HS6ST3: variants seen among roughly 807,000 people sequenced by gnomAD.
HS6ST3 encodes the protein heparan-sulfate 6-O-sulfotransferase 3.
Under a neutral mutation model 36.7 loss-of-function variants are expected in HS6ST3, and 12 were observed. The observed-to-expected ratio is 0.33, with a 90% CI of 0.21 to 0.53. HS6ST3 has a LOEUF of 0.53. HS6ST3 is among the 20% of genes least tolerant of loss of function. The pLI is 0.95. For synonymous variants in HS6ST3, 240 were observed against 257.5 expected (o/e 0.93, Z 0.65); for missense variants, 584 against 640.9 (o/e 0.91, Z 0.96).
At chr13:96,158,797 G>T (rs2054122803) in intron 1 of HS6ST3, among the ~76,000 whole-genome samples, 1 of 151,914 alleles carries the variant, frequency 6.6e-6, no homozygotes. Context: ...ACACAAGCTA[G>T]GGAGAGACCA....
At chr13:96,137,678 A>C (rs1463328085) in intron 1 of HS6ST3, among the ~76,000 whole-genome samples, 1 of 152,064 alleles carries the variant, frequency 6.6e-6, no homozygotes, top group Non-Finnish European at 1.5e-5. Context: ...TGATCCACCC[A>C]CGTTGGCCTC....
At chr13:96,530,061 A>T (rs2138933822) in intron 1 of HS6ST3, among the ~76,000 whole-genome samples, 1 of 152,336 alleles carries the variant, frequency 6.6e-6, no homozygotes, top group Admixed American at 6.5e-5. Context: ...GCACTGAATG[A>T]TGCTCTGAAA....
intron 1 of HS6ST3, among the ~76,000 whole-genome samples, chr13:96,120,840 T>G (rs960919396): frequency 1.3e-5 from 2 of 152,168 alleles, no homozygotes; most frequent in African/African-American, 4.8e-5. Flanking sequence ...TGTATAAAAT[T>G]GAGGAGGCTG....
At chr13:96,526,648 TTAGGGTATTAAGTTGAACCCTTTTC>T in intron 1 of HS6ST3, among the ~76,000 whole-genome samples, 1 of 152,228 alleles carries the variant, frequency 6.6e-6, no homozygotes, top group Admixed American at 6.5e-5. Context: ...TTAGCAAAAC[TTAGGGTATTAAGTTGAACCCTTTTC>T]TTATTTAGTT....
intron 1 of HS6ST3, among the ~76,000 whole-genome samples, chr13:96,199,941 C>T (rs569197665): frequency 5.9e-5 from 9 of 152,124 alleles, no homozygotes; most frequent in African/African-American, 1.2e-4. Flanking sequence ...CCTTGGTAGC[C>T]GACTTCTAGA....
chr13:96,681,054 A>G (rs1175182854), intron 1 of HS6ST3, among the ~76,000 whole-genome samples: 4 of 152,194 alleles, frequency 2.6e-5, no homozygotes, highest in African/African-American at 7.2e-5. Context: ...AAAACGTGCC[A>G]TATAGATATT....
At chr13:96,391,809 C>T (rs2055397197) in intron 1 of HS6ST3, among the ~76,000 whole-genome samples, 2 of 152,186 alleles carry the variant, frequency 1.3e-5, no homozygotes, top group Non-Finnish European at 2.9e-5. Context: ...AATCACCTCC[C>T]ACCAGGTTCC....
At chr13:96,725,893 G>C (rs537021704) in intron 1 of HS6ST3, among the ~76,000 whole-genome samples, 1 of 152,010 alleles carries the variant, frequency 6.6e-6, no homozygotes, top group Non-Finnish European at 1.5e-5. Context: ...CTGGAGTGCA[G>C]TGGCGCGATC....
At chr13:96,514,656 G>C (rs1216384911) in intron 1 of HS6ST3, among the ~76,000 whole-genome samples, 2 of 152,158 alleles carry the variant, frequency 1.3e-5, no homozygotes, top group Non-Finnish European at 2.9e-5. Context: ...TACCTTGCTG[G>C]CACCTCCATC....
chr13:96,264,428 C>T (rs574394179), intron 1 of HS6ST3, among the ~76,000 whole-genome samples: 2 of 152,268 alleles, frequency 1.3e-5, no homozygotes, highest in Non-Finnish European at 2.9e-5. Flanking sequence ...ACCCTGATTT[C>T]TAGGAAAGTG....
At chr13:96,784,740 T>C (rs1054772419) in intron 1 of HS6ST3, among the ~76,000 whole-genome samples, 1 of 152,228 alleles carries the variant, frequency 6.6e-6, no homozygotes, top group African/African-American at 2.4e-5. Context: ...GACTCTCTAA[T>C]TCTTTTGTAC....
chr13:96,504,889 A>G (rs747909814), intron 1 of HS6ST3, among the ~76,000 whole-genome samples: 1 of 152,158 alleles, frequency 6.6e-6, no homozygotes, highest in Non-Finnish European at 1.5e-5. Context: ...TTCAAGATGT[A>G]ACTGCTAAAT....
intron 1 of HS6ST3, among the ~76,000 whole-genome samples, chr13:96,638,725 G>A (rs777220634): frequency 2.4e-4 from 37 of 151,834 alleles, no homozygotes; most frequent in Non-Finnish European, 3.5e-4. Context: ...CCAGCCCAGC[G>A]GAACTATGAG....
intron 1 of HS6ST3, among the ~76,000 whole-genome samples, chr13:96,512,917 A>G (rs2056056489): frequency 6.6e-6 from 1 of 151,430 alleles, no homozygotes. Flanking sequence ...GTATGGGCAG[A>G]TCTTTCACTA....
intron 1 of HS6ST3, among the ~76,000 whole-genome samples, chr13:96,127,544 G>A (rs1256005974): frequency 6.6e-6 from 1 of 152,180 alleles, no homozygotes; most frequent in Non-Finnish European, 1.5e-5. Context: ...CGACGGACTG[G>A]TATTGGTCTG....
intron 1 of HS6ST3, among the ~76,000 whole-genome samples, chr13:96,509,640 G>T (rs2056040877): frequency 6.6e-6 from 1 of 152,156 alleles, no homozygotes; most frequent in Admixed American, 6.5e-5. Flanking sequence ...CTTTGTCAAA[G>T]ATCAGTTGGC....
chr13:96,396,458 C>T (rs1437605479), intron 1 of HS6ST3, among the ~76,000 whole-genome samples: 2 of 151,998 alleles, frequency 1.3e-5, no homozygotes, highest in African/African-American at 4.8e-5. Context: ...TAATCCTGCC[C>T]AGCCCAGTAT....
intron 1 of HS6ST3, among the ~76,000 whole-genome samples, chr13:96,752,775 A>G (rs916042532): frequency 6.6e-6 from 1 of 152,086 alleles, no homozygotes; most frequent in Non-Finnish European, 1.5e-5. Flanking sequence ...TCTTGATGAT[A>G]AAAGTTTATA....
intron 1 of HS6ST3, among the ~76,000 whole-genome samples, chr13:96,431,472 A>G (rs2055615607): frequency 6.6e-6 from 1 of 152,098 alleles, no homozygotes; most frequent in Non-Finnish European, 1.5e-5. Context: ...GCCCGTTACT[A>G]AACCTCTCCC....
Sources: gnomAD v4.1 joint callset for allele counts (sites outside exome capture counted in the v4.1 genomes callset) on GRCh38, gnomAD v4.1.1 for gene constraint, MANE v1.5 for transcripts, NCBI Gene and HGNC (gene_info 2026-07-23, HGNC 2026-07-21) for gene names.